Variants in NUDCD1 observed in about 807,000 individuals in gnomAD.
NUDCD1 encodes NudC domain containing 1, also known as nudC domain-containing protein 1.
In NUDCD1, 60 loss-of-function variants were observed where a neutral mutation model predicts 67.8. The ratio of observed to expected loss-of-function variants is 0.88; its 90% CI spans 0.72 to 1.10. The LOEUF (loss-of-function observed/expected upper bound fraction) is 1.10, where lower values mean the gene tolerates loss of function less well. Among genes scored for constraint, NUDCD1 ranks in the 50% least tolerant of loss-of-function variants. NUDCD1 has a pLI of 0.00. For synonymous variants in NUDCD1, 244 were observed against 230.8 expected (o/e 1.06, Z -0.52); for missense variants, 643 against 695.0 (o/e 0.93, Z 0.84).
intron 8 of NUDCD1, among the ~76,000 whole-genome samples, chr8:109,252,751 T>C (rs999849630): frequency 6.6e-6 from 1 of 152,216 alleles, no homozygotes; most frequent in Admixed American, 6.5e-5. Flanking sequence ...CTTCTTGACA[T>C]ACTTTTCCTT....
intron 2 of NUDCD1, among the ~76,000 whole-genome samples, chr8:109,308,445 C>G (rs577433563): frequency 6.6e-6 from 1 of 152,078 alleles, no homozygotes; most frequent in East Asian, 1.9e-4. Context: ...AAACCAAACC[C>G]AAAACCAGCA....
intron 8 of NUDCD1, among the ~76,000 whole-genome samples, chr8:109,266,362 A>C (rs1191468130): frequency 1.3e-5 from 2 of 148,342 alleles, no homozygotes; most frequent in African/African-American, 5.0e-5. Context: ...AGTAGCTGGG[A>C]CTACAGGTGC....
intron 5 of NUDCD1, among the ~76,000 whole-genome samples, chr8:109,282,331 T>C (rs887108317): frequency 2.0e-5 from 3 of 152,122 alleles, no homozygotes; most frequent in Admixed American, 6.5e-5. Context: ...AAGCACCATC[T>C]ACTGGCTTGT....
intron 7 of NUDCD1, among the ~76,000 whole-genome samples, chr8:109,275,031 T>A (rs1814248022): frequency 6.6e-6 from 1 of 152,152 alleles, no homozygotes; most frequent in South Asian, 2.1e-4. Flanking sequence ...TGTAACATAA[T>A]TTTTGTCCTA....
At chr8:109,286,164 C>T (rs1408576163) in intron 5 of NUDCD1, among the ~76,000 whole-genome samples, 5 of 151,992 alleles carry the variant, frequency 3.3e-5, no homozygotes, top group Non-Finnish European at 7.4e-5. Flanking sequence ...AGATGACAGA[C>T]AACTGGAAAG....
At chr8:109,270,672 C>G (rs934842425) in intron 8 of NUDCD1, among the ~76,000 whole-genome samples, 2 of 151,774 alleles carry the variant, frequency 1.3e-5, no homozygotes, top group Non-Finnish European at 2.9e-5. Context: ...AACCATTAAA[C>G]CAGACATTTC....
intron 8 of NUDCD1, among the ~76,000 whole-genome samples, chr8:109,260,698 G>A (rs926457750): frequency 6.6e-6 from 1 of 152,126 alleles, no homozygotes; most frequent in South Asian, 2.1e-4. Context: ...ACATGCACAC[G>A]TCTCTTTGAG....
chr8:109,327,876 T>G (rs1042535794), intron 1 of NUDCD1, among the ~76,000 whole-genome samples: 1 of 152,236 alleles, frequency 6.6e-6, no homozygotes, highest in Non-Finnish European at 1.5e-5. Context: ...CCTACCTTGT[T>G]CTTCTCAAAC....
At position 109,333,897 on chromosome 8, in the gene NUDCD1, G is replaced by C; in HGVS notation, c.114C>G (p.Asp38Glu). The C allele has an allele frequency of 6.2e-7, 1 of 1,614,122 alleles. No individual in the cohort carries two copies. The highest frequency in any genetic ancestry group is 8.5e-7 in the Non-Finnish European group (1 of 1,179,956). Residue 38 changes from aspartate (D) to glutamate (E), a missense_variant, in exon 1 of 10, where the codon GAC (aspartate) becomes GAG (glutamate). Transcript: ENST00000239690. ...AAGGGCGCCGCCGCTTCCCACCTGC[G>C]TCAAGCTCCAGCTGGTAACAAGGCA... The part of the protein sequence containing the change: ...EPLPCYQLEL[D>E]AAVAEVKLRD...
At chr8:109,328,150 T>G (rs181355154) in intron 1 of NUDCD1, among the ~76,000 whole-genome samples, 5 of 152,126 alleles carry the variant, frequency 3.3e-5, no homozygotes, top group African/African-American at 1.2e-4. Flanking sequence ...AGGACACTTA[T>G]GAGATTAGCC....
chr8:109,294,375 T>C (rs1814789226), intron 3 of NUDCD1, among the ~76,000 whole-genome samples: 1 of 152,038 alleles, frequency 6.6e-6, no homozygotes, highest in African/African-American at 2.4e-5. Flanking sequence ...ATTCAAGTAA[T>C]GGGCCTTCAG....
chr8:109,322,425 G>A lies in NUDCD1; in HGVS notation c.157C>T (p.Leu53=), dbSNP rs764794202. Residue 53 remains leucine (L), a synonymous_variant, in exon 2 of 10, where the codon CTG becomes TTG. Coordinates refer to ENST00000239690, the MANE Select transcript of NUDCD1 (RefSeq NM_032869.4). The stretch of plus-strand genomic sequence containing the variant: ...ATTCCAAAAGCATGCATGTGTTCCA[G>A]TGTATATTGATCATCTCGAAGTTTT... ...EVKLRDDQYT[L]EHMHAFGMYN... is the part of the protein sequence containing the mutation. 112 of 1,604,118 alleles carry A rather than the reference G, an allele frequency of 7.0e-5. No homozygotes were observed. The highest frequency in any genetic ancestry group is 5.0e-4 in the South Asian group (45 of 89,992).
At chr8:109,308,243 G>A (rs910005558) in intron 2 of NUDCD1, among the ~76,000 whole-genome samples, 16 of 152,298 alleles carry the variant, frequency 1.1e-4, no homozygotes, top group African/African-American at 3.6e-4. Flanking sequence ...GTCAAAAAAT[G>A]AAATCAAGAT....
intron 5 of NUDCD1, among the ~76,000 whole-genome samples, chr8:109,288,038 A>T (rs1202240314): frequency 6.6e-6 from 1 of 152,194 alleles, no homozygotes; most frequent in Non-Finnish European, 1.5e-5. Flanking sequence ...GTTAACAGAA[A>T]AGGAAACCAG....
intron 1 of NUDCD1, among the ~76,000 whole-genome samples, chr8:109,329,232 G>A (rs1293212006): frequency 6.6e-6 from 1 of 152,118 alleles, no homozygotes; most frequent in Non-Finnish European, 1.5e-5. Context: ...TTCATGAGCT[G>A]AGACCAACTT....
chr8:109,324,650 G>C (rs1285181496), intron 1 of NUDCD1, among the ~76,000 whole-genome samples: 1 of 152,144 alleles, frequency 6.6e-6, no homozygotes, highest in Non-Finnish European at 1.5e-5. Context: ...CCAAGACATG[G>C]GGGAAACCTA....
rs1173075763 is a variant in NUDCD1, at chr8:109,270,754, G to A, written c.1299+251C>T. 2.6e-5 allele frequency among the ~76,000 whole-genome samples: 4 copies of A among 151,832 alleles called. No individual in the cohort carries two copies. In the South Asian group the frequency reaches 8.4e-4, roughly 32 times the overall value. ...AAAAGTGAAGTTATTATACATTACA[G>A]GGTCACAATTGTATATTAAAAAGCT... On this transcript the variant is annotated intron_variant, in intron 8 of 9. Transcript: ENST00000239690.
intron 2 of NUDCD1, among the ~76,000 whole-genome samples, chr8:109,303,875 A>G (rs1361675007): frequency 6.6e-6 from 1 of 152,120 alleles, no homozygotes; most frequent in Non-Finnish European, 1.5e-5. Context: ...TAAAGTCTAT[A>G]AACTCTCCTT....
chr8:109,260,315 C>G (rs965544904), intron 8 of NUDCD1, among the ~76,000 whole-genome samples: 4 of 152,320 alleles, frequency 2.6e-5, no homozygotes, highest in African/African-American at 7.2e-5. Flanking sequence ...GGGCCTCAGG[C>G]CCCTGAGTAG....
Sources: gnomAD v4.1 joint callset for allele counts (sites outside exome capture counted in the v4.1 genomes callset) on GRCh38, gnomAD v4.1.1 for gene constraint, MANE v1.5 for transcripts, NCBI Gene and HGNC (gene_info 2026-07-23, HGNC 2026-07-21) for gene names.